The following MAGI1 variants were observed in gnomAD, a reference collection of about 807,000 sequenced individuals.
MAGI1 encodes the protein membrane associated guanylate kinase, WW and PDZ domain containing 1.
Under a neutral mutation model 139.9 loss-of-function variants are expected in MAGI1, and 58 were observed. That is an observed-to-expected ratio of 0.41 (90% CI 0.34 to 0.52). The LOEUF is 0.52. MAGI1 is among the 20% of genes least tolerant of loss of function. The pLI is 0.12. For synonymous variants in MAGI1, 812 were observed against 737.9 expected, an observed-to-expected ratio of 1.10 and a Z score of -1.63; for missense variants, 1,874 against 1,901.6, an observed-to-expected ratio of 0.99 and a Z score of 0.27.
intron 1 of MAGI1, among the ~76,000 whole-genome samples, chr3:65,636,171 TTG>T (rs72340273): frequency 0.029 from 4,470 of 152,260 alleles, 86 homozygotes; most frequent in Middle Eastern, 0.058. Flanking sequence ...GTAAATGTGG[TTG>T]TGTACAAAAC....
At chr3:65,561,546 A>C (rs1163356246) in intron 2 of MAGI1, among the ~76,000 whole-genome samples, 1 of 152,162 alleles carries the variant, frequency 6.6e-6, no homozygotes, top group Non-Finnish European at 1.5e-5. Flanking sequence ...CTGAAAATAC[A>C]AGAGACATGA....
Position 65,975,301 on chromosome 3 carries a change from G to A in MAGI1, c.313+62695C>T, listed in dbSNP as rs548848802. On this transcript the variant is annotated intron_variant, in intron 1 of 22. Coordinates refer to ENST00000402939, the MANE Select transcript of MAGI1 (RefSeq NM_001033057.2). Reference sequence around the variant, plus strand: ...TATGTCTGTCTCTTTATGGAGCACAGGCCAAACTTAAAGGAAAAAGAATTT... The same window carrying A: ...TATGTCTGTCTCTTTATGGAGCACAAGCCAAACTTAAAGGAAAAAGAATTT... 2.2e-4 allele frequency among the ~76,000 whole-genome samples: 33 copies of A among 152,270 alleles called. No individual in the cohort carries two copies. The East Asian group carries it at 2.9e-3, about 13-fold the overall frequency.
At chr3:65,829,411 G>A (rs769722219) in intron 1 of MAGI1, among the ~76,000 whole-genome samples, 7 of 152,114 alleles carry the variant, frequency 4.6e-5, no homozygotes, top group East Asian at 3.9e-4. Context: ...TCAGGGCTCC[G>A]CTCTCACGAA....
intron 1 of MAGI1, among the ~76,000 whole-genome samples, chr3:65,692,547 A>G (rs1277629516): frequency 1.3e-5 from 2 of 152,138 alleles, no homozygotes; most frequent in African/African-American, 4.8e-5. Context: ...GTCATCACCA[A>G]CATCATCATC....
At chr3:65,865,577 CAG>C (rs1559956936) in intron 1 of MAGI1, among the ~76,000 whole-genome samples, 9 of 152,144 alleles carry the variant, frequency 5.9e-5, no homozygotes, top group African/African-American at 2.2e-4. Context: ...GCCTGGGTGA[CAG>C]AGTGAGATCC....
chr3:65,983,396 G>T (rs2107293100), intron 1 of MAGI1, among the ~76,000 whole-genome samples: 2 of 152,228 alleles, frequency 1.3e-5, no homozygotes, highest in Admixed American at 1.3e-4. Flanking sequence ...ACTCTCCGAG[G>T]CCTCTCTGTG....
chr3:65,900,997 C>T (rs553546107), intron 1 of MAGI1, among the ~76,000 whole-genome samples: 6 of 152,276 alleles, frequency 3.9e-5, no homozygotes, highest in Admixed American at 1.3e-4. Context: ...ATGAAAAATA[C>T]CTACAGAAAA....
intron 2 of MAGI1, among the ~76,000 whole-genome samples, chr3:65,546,097 G>A (rs1244302705): frequency 6.6e-6 from 1 of 151,814 alleles, no homozygotes; most frequent in East Asian, 1.9e-4. Flanking sequence ...TGTTTTCTAT[G>A]CACACGCACA....
intron 1 of MAGI1, among the ~76,000 whole-genome samples, chr3:65,950,469 T>C (rs1172956355): frequency 2.0e-5 from 3 of 152,132 alleles, no homozygotes; most frequent in Non-Finnish European, 4.4e-5. Context: ...TCAGAGAAAG[T>C]ATGTTGAGAA....
intron 3 of MAGI1, among the ~76,000 whole-genome samples, chr3:65,485,584 A>G (rs1015955097): frequency 2.6e-5 from 4 of 152,204 alleles, no homozygotes; most frequent in Admixed American, 6.5e-5. Context: ...GTCTCCAATC[A>G]GGCCTGATGT....
chr3:65,589,424 C>T (rs1373023585), intron 2 of MAGI1, among the ~76,000 whole-genome samples: 1 of 152,098 alleles, frequency 6.6e-6, no homozygotes, highest in Non-Finnish European at 1.5e-5. Flanking sequence ...TGGACCTCTT[C>T]CTCTCCCTTG....
At chr3:65,427,604 C>G (rs1947148140) in intron 12 of MAGI1, among the ~76,000 whole-genome samples, 1 of 152,138 alleles carries the variant, frequency 6.6e-6, no homozygotes, top group African/African-American at 2.4e-5. Context: ...TTGAAAGTTT[C>G]CAGGCTGTCA....
At chr3:65,462,471 G>T (rs1366172583) in intron 5 of MAGI1, among the ~76,000 whole-genome samples, 1 of 152,068 alleles carries the variant, frequency 6.6e-6, no homozygotes, top group Admixed American at 6.6e-5. Context: ...CTGTTCCATT[G>T]GTCTATATAT....
rs559669484 is a variant in MAGI1, at chr3:65,916,914, T to A, written c.313+121082A>T. Among the ~76,000 whole-genome samples the A allele has an allele frequency of 4.9e-4, 75 of 152,298 alleles. 1 individual carries two copies. The South Asian group carries it at 0.015, about 31-fold the overall frequency. On this transcript the variant is annotated intron_variant, in intron 1 of 22. Coordinates refer to ENST00000402939, the MANE Select transcript of MAGI1 (RefSeq NM_001033057.2). ...TCTACTGTTCTCATTGTATACTTTT[T>A]AAAATCTTGGATAATCATACACGTA... is the stretch of plus-strand genomic sequence containing the variant.
intron 2 of MAGI1, among the ~76,000 whole-genome samples, chr3:65,539,090 A>G (rs1382435490): frequency 1.3e-5 from 2 of 152,132 alleles, no homozygotes; most frequent in South Asian, 2.1e-4. Context: ...ACACGTAGCA[A>G]CTACCATCAA....
At chr3:65,758,562 G>A (rs2036739847) in intron 1 of MAGI1, among the ~76,000 whole-genome samples, 1 of 152,114 alleles carries the variant, frequency 6.6e-6, no homozygotes, top group Non-Finnish European at 1.5e-5. Context: ...CAAAGCAGCG[G>A]TTCTCAACTG....
At chr3:65,382,293 C>G (rs866012351) in intron 15 of MAGI1, among the ~76,000 whole-genome samples, 9 of 152,160 alleles carry the variant, frequency 5.9e-5, no homozygotes, top group Non-Finnish European at 1.2e-4. Context: ...TTATCTGTGG[C>G]CTATTGATGA....
At chr3:65,580,159 T>C (rs2081351712) in intron 2 of MAGI1, among the ~76,000 whole-genome samples, 1 of 152,122 alleles carries the variant, frequency 6.6e-6, no homozygotes, top group Non-Finnish European at 1.5e-5. Context: ...AAATTTAAAA[T>C]GAAGCAAACT....
intron 1 of MAGI1, among the ~76,000 whole-genome samples, chr3:65,634,255 AC>A (rs1351801977): frequency 6.6e-6 from 1 of 152,186 alleles, no homozygotes; most frequent in Non-Finnish European, 1.5e-5. Context: ...ATAAAGACAA[AC>A]CAGGAAGCAC....
Sources: allele counts gnomAD v4.1 joint callset (sites outside exome capture counted in the v4.1 genomes callset), GRCh38; gene constraint gnomAD v4.1.1; transcripts MANE v1.5; gene names NCBI Gene and HGNC (gene_info 2026-07-23, HGNC 2026-07-21).